FABP7: variants seen among roughly 807,000 people sequenced by gnomAD.
FABP7 encodes the protein fatty acid binding protein 7.
In FABP7, 13 loss-of-function variants were observed where a neutral mutation model predicts 14.2. The observed-to-expected ratio is 0.91, with a 90% CI of 0.59 to 1.45. FABP7 has a LOEUF of 1.45. Among genes scored for constraint, FABP7 ranks in the 40% most tolerant of loss-of-function variants. The pLI, the probability that FABP7 is intolerant of heterozygous loss-of-function variation, is 0.00. For missense variants in FABP7, 149 were observed against 157.6 expected (o/e 0.95, Z 0.29); for synonymous variants, 49 against 51.4 (o/e 0.95, Z 0.20).
chr6:122,756,090 C>G, the FABP7 span, among the ~76,000 whole-genome samples: 5 of 152,292 alleles, frequency 3.3e-5, no homozygotes, highest in Middle Eastern at 3.4e-3. Flanking sequence ...TTCCCCTCCT[C>G]TCCCCAACGG....
intron 2 of FABP7, 70 bp downstream of exon 2, chr6:122,780,533 G>GT (rs749946590): frequency 1.6e-4 from 228 of 1,454,354 alleles, no homozygotes; most frequent in African/African-American, 2.4e-4. Context: ...TCCAATGCAT[G>GT]TTTTTTTTAA....
At chr6:122,774,988 C>A (rs1780646374), upstream of FABP7, among the ~76,000 whole-genome samples, 2 of 151,378 alleles carry the variant, frequency 1.3e-5, no homozygotes, top group African/African-American at 4.9e-5. Flanking sequence ...CTATAAAATA[C>A]TAATGAAATA....
intron 3 of FABP7, chr6:122,781,432 A>G: frequency 1.4e-6 from 2 of 1,405,122 alleles, no homozygotes. Flanking sequence ...ATTCATGTGT[A>G]GTTAAAAAAA....
At chr6:122,760,533 CTT>C in the FABP7 span, among the ~76,000 whole-genome samples, 2 of 136,446 alleles carry the variant, frequency 1.5e-5, no homozygotes, top group African/African-American at 5.0e-5. Flanking sequence ...TCCATCTGCT[CTT>C]TGTTTTTTTT....
At chr6:122,753,934 C>T in the FABP7 span, among the ~76,000 whole-genome samples, 4 of 152,020 alleles carry the variant, frequency 2.6e-5, no homozygotes, top group Admixed American at 2.6e-4. Flanking sequence ...AAAGACCAGA[C>T]GGGCACTCAG....
At chr6:122,764,178 C>T in the FABP7 span, among the ~76,000 whole-genome samples, 1 of 152,174 alleles carries the variant, frequency 6.6e-6, no homozygotes, top group Non-Finnish European at 1.5e-5. Context: ...GAAGATGTGG[C>T]ACGTATACAC....
chr6:122,754,380 C>T, the FABP7 span, among the ~76,000 whole-genome samples: 31 of 152,216 alleles, frequency 2.0e-4, no homozygotes, highest in South Asian at 2.5e-3. Flanking sequence ...CTCTGCCTTC[C>T]TCCTCCCTAT....
the FABP7 span, among the ~76,000 whole-genome samples, chr6:122,753,658 G>A: frequency 6.6e-6 from 1 of 151,952 alleles, no homozygotes; most frequent in Non-Finnish European, 1.5e-5. Context: ...GCAAAACGAA[G>A]GAATGAAGCA....
chr6:122,749,437 AT>A, the FABP7 span, among the ~76,000 whole-genome samples: 3 of 152,206 alleles, frequency 2.0e-5, no homozygotes, highest in African/African-American at 7.2e-5. Flanking sequence ...TTAAGTGATG[AT>A]TAATAGTCTC....
At chr6:122,778,944 C>A (rs776474079), upstream of FABP7, among the ~76,000 whole-genome samples, 3 of 152,146 alleles carry the variant, frequency 2.0e-5, no homozygotes, top group Non-Finnish European at 2.9e-5. Flanking sequence ...GAAAAGCATT[C>A]TTTTATTTAT....
At chr6:122,782,841 T>C (rs1026079062) in intron 3 of FABP7, 48 of 985,266 alleles carry the variant, frequency 4.9e-5, no homozygotes, top group Non-Finnish European at 5.7e-5. Context: ...TGTTAAAGGA[T>C]ATTTGCTCAC....
At chr6:122,762,605 C>G in the FABP7 span, among the ~76,000 whole-genome samples, 1 of 152,182 alleles carries the variant, frequency 6.6e-6, no homozygotes, top group African/African-American at 2.4e-5. Context: ...CAAATTGTCC[C>G]TGTTTGCAGA....
the FABP7 span, among the ~76,000 whole-genome samples, chr6:122,760,074 C>T: frequency 6.6e-6 from 1 of 151,000 alleles, no homozygotes; most frequent in Non-Finnish European, 1.5e-5. Context: ...GCACTCCAGT[C>T]TGGGCGACAG....
the FABP7 span, among the ~76,000 whole-genome samples, chr6:122,763,458 C>G: frequency 6.6e-6 from 1 of 152,286 alleles, no homozygotes; most frequent in African/African-American, 2.4e-5. Flanking sequence ...CTAGGCAACA[C>G]CATTCAGGAC....
At chr6:122,758,312 C>T in the FABP7 span, among the ~76,000 whole-genome samples, 3 of 151,846 alleles carry the variant, frequency 2.0e-5, no homozygotes, top group Non-Finnish European at 4.4e-5. Flanking sequence ...TTTGCCATGT[C>T]GGCCAGGCTG....
At chr6:122,776,747 T>C (rs183370851), upstream of FABP7, among the ~76,000 whole-genome samples, 1 of 152,336 alleles carries the variant, frequency 6.6e-6, no homozygotes, top group East Asian at 1.9e-4. Context: ...TCATTACTCA[T>C]GTAATGTTTG....
At chr6:122,779,104 A>G (rs866437412), upstream of FABP7, among the ~76,000 whole-genome samples, 1 of 152,064 alleles carries the variant, frequency 6.6e-6, no homozygotes, top group South Asian at 2.1e-4. Flanking sequence ...GTGCTTCCTC[A>G]TTGACAGTCA....
chr6:122,779,998 T>G, intron 1 of FABP7, 131 bp downstream of exon 1: 1 of 906,250 alleles, frequency 1.1e-6, no homozygotes, highest in African/African-American at 1.7e-5. Flanking sequence ...TGCTAGGCTA[T>G]GCATTTTCCA....
At chr6:122,767,961 T>C in the FABP7 span, among the ~76,000 whole-genome samples, 97,449 of 151,782 alleles carry the variant, frequency 0.64, 34,378 homozygotes, top group Non-Finnish European at 0.82. Context: ...TGAAAGTAAG[T>C]TACAAACTGG....
Sources: allele counts gnomAD v4.1 joint callset (sites outside exome capture counted in the v4.1 genomes callset), GRCh38; gene constraint gnomAD v4.1.1; transcripts MANE v1.5; gene names NCBI Gene and HGNC (gene_info 2026-07-23, HGNC 2026-07-21).